The following TRPS1 variants were observed in gnomAD, a reference collection of about 807,000 sequenced individuals.
The protein encoded by TRPS1 is zinc finger transcription factor Trps1.
Under a neutral mutation model 101.2 loss-of-function variants are expected in TRPS1, and 6 were observed. The observed-to-expected ratio is 0.06, with a 90% CI of 0.03 to 0.12. TRPS1 has a LOEUF of 0.12. Ranked by LOEUF, TRPS1 falls within the 10% of genes least tolerant of loss-of-function variation. TRPS1 has a pLI of 1.00. For synonymous variants in TRPS1, 578 were observed against 589.8 expected, an observed-to-expected ratio of 0.98 and a Z score of 0.29; for missense variants, 1,363 against 1,567.0, an observed-to-expected ratio of 0.87 and a Z score of 2.20.
chr8:115,546,704 TA>T (rs1258350512), intron 5 of TRPS1, among the ~76,000 whole-genome samples: 2 of 152,114 alleles, frequency 1.3e-5, no homozygotes, highest in African/African-American at 4.8e-5. Flanking sequence ...AAATATCTAC[TA>T]TTATAAGTAC....
chr8:115,543,929 T>C (rs761358750), intron 5 of TRPS1, among the ~76,000 whole-genome samples: 14 of 152,048 alleles, frequency 9.2e-5, no homozygotes, highest in Non-Finnish European at 1.3e-4. Flanking sequence ...GTTCCCTTAA[T>C]AATAAAACAT....
chr8:115,639,004 G>C (rs573850193), intron 1 of TRPS1, among the ~76,000 whole-genome samples: 1 of 152,228 alleles, frequency 6.6e-6, no homozygotes, highest in South Asian at 2.1e-4. Flanking sequence ...GAAGATGCCA[G>C]CATCCATTGG....
At chr8:115,586,393 A>T (rs188569861) in intron 5 of TRPS1, among the ~76,000 whole-genome samples, 25 of 152,306 alleles carry the variant, frequency 1.6e-4, no homozygotes, top group African/African-American at 5.5e-4. Context: ...TCCTGTTCAT[A>T]TCAAATGCAT....
At chr8:115,449,351 T>C (rs1222236285) in intron 5 of TRPS1, among the ~76,000 whole-genome samples, 1 of 152,174 alleles carries the variant, frequency 6.6e-6, no homozygotes, top group Non-Finnish European at 1.5e-5. Flanking sequence ...TATGATGCAA[T>C]CTCAATGGCA....
At chr8:115,532,289 A>G (rs1213314358) in intron 5 of TRPS1, among the ~76,000 whole-genome samples, 3 of 151,972 alleles carry the variant, frequency 2.0e-5, no homozygotes, top group Non-Finnish European at 4.4e-5. Flanking sequence ...GGTAAATAGT[A>G]CAGCAAATAT....
chr8:115,644,513 G>A (rs79951121), intron 1 of TRPS1, among the ~76,000 whole-genome samples: 56 of 152,304 alleles, frequency 3.7e-4, no homozygotes, highest in South Asian at 1.5e-3. Context: ...AGGGAATGTC[G>A]TGGCTGGCTT....
chr8:115,466,898 T>C (rs189236640), intron 5 of TRPS1, among the ~76,000 whole-genome samples: 2 of 152,162 alleles, frequency 1.3e-5, no homozygotes, highest in Admixed American at 1.3e-4. Context: ...CATTGCTTCA[T>C]TTTGCCATTA....
intron 5 of TRPS1, among the ~76,000 whole-genome samples, chr8:115,573,085 T>C (rs1817243227): frequency 1.3e-5 from 2 of 151,788 alleles, no homozygotes; most frequent in Middle Eastern, 3.4e-3. Context: ...GATCATGCCA[T>C]TGTGCTCCAG....
rs1035546135 is a variant in TRPS1 at position 115,418,653 on chromosome 8, T to G, written c.2701-201A>C. Among the ~76,000 whole-genome samples the G allele has an allele frequency of 6.6e-6, 1 of 152,212 alleles. No homozygotes were observed. Among genetic ancestry groups the G allele is most frequent in the African/African-American group, 2.4e-5 (1 of 41,452 alleles). ...ATTAACCCTACAGTGATGGATGAGG[T>G]GTGTGGAACACCAAAGGCTTTTCAC... On this transcript the variant is annotated intron_variant, in intron 5 of 6. Transcript: ENST00000395715. This position sits in a 1 kb window ranked among gnomAD's most constrained non-coding sequence, Gnocchi z 4.3.
At position 115,517,541 on chromosome 8, in the gene TRPS1, A is replaced by C. The variant is rs144160922; in HGVS notation, c.2700+69460T>G. ...AGGGCTAATTAGTAACATTAAAATA[A>C]CATTATAACAACAAAAATTGTTGTG... On this transcript the variant is annotated intron_variant, in intron 5 of 6. Coordinates refer to ENST00000395715, the MANE Select transcript of TRPS1 (RefSeq NM_014112.5). Among the ~76,000 whole-genome samples the C allele has an allele frequency of 2.5e-3, 349 of 137,682 alleles. 1 individual carries two copies. The highest frequency in any genetic ancestry group is 9.0e-3 in the African/African-American group (330 of 36,734). The allele number at this position is 137,682 out of a possible 152,430, so 90.3% of individuals were successfully genotyped here. A position where few individuals can be genotyped will look rare whatever the true frequency, so the allele number is the denominator to read the frequency against.
rs533851853 is a variant in TRPS1 at position 115,575,320 on chromosome 8, C to A, written c.2700+11681G>T. Among the ~76,000 whole-genome samples the A allele has an allele frequency of 5.9e-5, 9 of 151,982 alleles. No individual in the cohort carries two copies. The East Asian group carries it at 1.7e-3, about 29-fold the overall frequency. On this transcript the variant is annotated intron_variant, in intron 5 of 6. Transcript: ENST00000395715. The stretch of plus-strand genomic sequence containing the variant: ...CAGAATATACGCTGCTATAAAACAG[C>A]GTGTAATTTATTAGAAAGTGAAATT...
At chr8:115,658,274 G>A (rs1490916879) in intron 1 of TRPS1, among the ~76,000 whole-genome samples, 3 of 152,038 alleles carry the variant, frequency 2.0e-5, no homozygotes, top group Non-Finnish European at 4.4e-5. Flanking sequence ...GCACAGTAGC[G>A]CACCAGAAGC....
intron 5 of TRPS1, among the ~76,000 whole-genome samples, chr8:115,459,125 C>T (rs1471702643): frequency 6.6e-6 from 1 of 152,086 alleles, no homozygotes; most frequent in Non-Finnish European, 1.5e-5. Context: ...ATCACGAGGT[C>T]AGGAGATCAA....
chr8:115,457,982 C>T (rs988323592), intron 5 of TRPS1, among the ~76,000 whole-genome samples: 1 of 152,042 alleles, frequency 6.6e-6, no homozygotes, highest in African/African-American at 2.4e-5. Flanking sequence ...ATTGCAGTCC[C>T]TTTAAGAAGT....
intron 5 of TRPS1, among the ~76,000 whole-genome samples, chr8:115,429,762 C>T (rs996312548): frequency 1.3e-5 from 2 of 152,068 alleles, no homozygotes; most frequent in Admixed American, 1.3e-4. Context: ...TTTTCCCCTG[C>T]CTTATGTTTA....
At chr8:115,501,233 T>TATTC (rs1157733328) in intron 5 of TRPS1, among the ~76,000 whole-genome samples, 1 of 152,226 alleles carries the variant, frequency 6.6e-6, no homozygotes, top group East Asian at 1.9e-4. Flanking sequence ...TTCACTTATT[T>TATTC]ATTCATTCAC....
intron 5 of TRPS1, among the ~76,000 whole-genome samples, chr8:115,518,810 C>G (rs1815786257): frequency 6.6e-6 from 1 of 151,836 alleles, no homozygotes; most frequent in South Asian, 2.1e-4. Context: ...CAGCGTCAAA[C>G]TAAACCATCA....
chr8:115,507,706 T>C (rs1232400780), intron 5 of TRPS1, among the ~76,000 whole-genome samples: 1 of 152,154 alleles, frequency 6.6e-6, no homozygotes, highest in South Asian at 2.1e-4. Flanking sequence ...AGATAATACA[T>C]GCCAGTCCTA....
intron 5 of TRPS1, among the ~76,000 whole-genome samples, chr8:115,501,338 G>A (rs1815314892): frequency 1.3e-5 from 2 of 152,162 alleles, no homozygotes; most frequent in Admixed American, 1.3e-4. Context: ...CTGTCCTCAA[G>A]GTGTATACCT....
Sources: gnomAD v4.1 joint callset for allele counts (sites outside exome capture counted in the v4.1 genomes callset) on GRCh38, gnomAD v4.1.1 for gene constraint, Gnocchi (gnomAD v3.1) non-coding constraint, MANE v1.5 for transcripts, NCBI Gene and HGNC (gene_info 2026-07-23, HGNC 2026-07-21) for gene names.